Variants in KRT78 observed in about 807,000 individuals in gnomAD.
KRT78 encodes the protein keratin, type II cytoskeletal 78.
A neutral mutation model predicts 51.4 loss-of-function variants in KRT78; 55 were observed. That is an observed-to-expected ratio of 1.07 (90% confidence interval 0.86 to 1.34). The LOEUF (loss-of-function observed/expected upper bound fraction) is 1.34. Among genes scored for constraint, KRT78 ranks in the 40% most tolerant of loss-of-function variants. The pLI is 0.00. For synonymous variants in KRT78, 291 were observed against 264.3 expected, an observed-to-expected ratio of 1.10 and a Z score of -0.98; for missense variants, 652 against 649.4, an observed-to-expected ratio of 1.00 and a Z score of -0.04.
chr12:52,841,656 A>G (rs565330238), intron 6 of KRT78, among the ~76,000 whole-genome samples: 1 of 152,324 alleles, frequency 6.6e-6, no homozygotes, highest in South Asian at 2.1e-4. Flanking sequence ...GTGGATAGAA[A>G]CATAATCTCT....
intron 5 of KRT78, 129 bp from the exon 6 acceptor site, chr12:52,844,347 T>A: frequency 8.2e-7 from 1 of 1,217,184 alleles, no homozygotes; most frequent in Non-Finnish European, 1.1e-6. Flanking sequence ...CAGGACACAG[T>A]GGGATATACT....
At chr12:52,844,015 G>T in intron 6 of KRT78, 78 bp downstream of exon 6, 1 of 1,564,426 alleles carries the variant, frequency 6.4e-7, no homozygotes, top group South Asian at 1.2e-5. Context: ...CCCAACTGGA[G>T]AGAGAAGCTA....
In KRT78 at chr12:52,844,214, T is replaced by C. The variant is rs374618634; in HGVS notation, c.926A>G (p.Gln309Arg). 5.0e-6 allele frequency: 8 copies of C among 1,598,756 alleles called. No homozygotes were observed. Among genetic ancestry groups the C allele is most frequent in the Admixed American group, 1.8e-5 (1 of 54,324 alleles). The stretch of plus-strand genomic sequence containing the variant: ...AAGCTGGGCAGACACCTGAAGTTCC[T>C]GGTACTGAGAGGGGAACAGAGGGGA... ...EAEALYQTKY[Q>R]ELQVSAQLHG... Residue 309 changes from glutamine to arginine, a missense_variant, in exon 6 of 9, where the codon CAG becomes CGG. Gln to Arg is a conservative substitution (Grantham distance 43, BLOSUM62 1). Coordinates refer to ENST00000304620, the MANE Select transcript of KRT78 (RefSeq NM_173352.4).
At chr12:52,840,561 G>T (rs1940470174) in intron 6 of KRT78, among the ~76,000 whole-genome samples, 1 of 152,096 alleles carries the variant, frequency 6.6e-6, no homozygotes, top group African/African-American at 2.4e-5. Flanking sequence ...AAAAAAATTA[G>T]CTGACCATAG....
chr12:52,842,832 TGGAACCTG>T (rs1314002925), intron 6 of KRT78, among the ~76,000 whole-genome samples: 5 of 150,874 alleles, frequency 3.3e-5, no homozygotes, highest in African/African-American at 9.8e-5. Flanking sequence ...GCAGAATTGC[TGGAACCTG>T]GGAGGTGGAG....
At position 52,839,096 on chromosome 12, in the gene KRT78, G is replaced by A. The variant is rs925822171; in HGVS notation, c.*17C>T. 1 of 1,608,178 alleles carries A rather than the reference G, an allele frequency of 6.2e-7. No individual in the cohort carries two copies. The highest frequency in any genetic ancestry group is 1.3e-5 in the African/African-American group (1 of 74,986). On this transcript the variant is annotated 3_prime_UTR_variant, in exon 9 of 9. Coordinates refer to ENST00000304620, the MANE Select transcript of KRT78 (RefSeq NM_173352.4). ...GTGGGCCAAATGTGTTCAGGAAGGAGGTGGCTGCTGGGTCGCTCAGTAGGT... is the reference window on the plus strand; with the variant it reads ...GTGGGCCAAATGTGTTCAGGAAGGAAGTGGCTGCTGGGTCGCTCAGTAGGT...
intron 4 of KRT78, 29 bp from the exon 5 acceptor site, chr12:52,844,752 T>G: frequency 6.3e-7 from 1 of 1,583,440 alleles, no homozygotes. Flanking sequence ...CAGTGTCCAC[T>G]CACCCCCAGC....
chr12:52,845,681 C>T (rs372730792), intron 4 of KRT78, among the ~76,000 whole-genome samples: 82 of 152,254 alleles, frequency 5.4e-4, no homozygotes, highest in African/African-American at 1.8e-3. Context: ...CTTAGTCGGG[C>T]GTGGTGGCTC....
At chr12:52,842,715 C>T (rs1214453773) in intron 6 of KRT78, among the ~76,000 whole-genome samples, 1 of 151,390 alleles carries the variant, frequency 6.6e-6, no homozygotes, top group African/African-American at 2.4e-5. Context: ...GTCAGGAGTT[C>T]GAGACCAGCT....
At chr12:52,841,340 AGCCGGGCATG>A (rs1940494138) in intron 6 of KRT78, among the ~76,000 whole-genome samples, 3 of 151,606 alleles carry the variant, frequency 2.0e-5, no homozygotes, top group Admixed American at 6.6e-5. Flanking sequence ...AAAAAAAATT[AGCCGGGCATG>A]GTGGCACACA....
chr12:52,840,453 A>C (rs1274966480), intron 6 of KRT78, among the ~76,000 whole-genome samples: 1 of 152,138 alleles, frequency 6.6e-6, no homozygotes, highest in Non-Finnish European at 1.5e-5. Context: ...CTGTAATCCT[A>C]GCACTTTAGG....
intron 7 of KRT78, 26 bp from the exon 8 acceptor site, chr12:52,839,513 A>G (rs373901932): frequency 1.9e-6 from 3 of 1,559,422 alleles, no homozygotes; most frequent in African/African-American, 1.4e-5. Context: ...CAAGAGGGGG[A>G]TGCGCTAAGG....
In KRT78 at chr12:52,840,004, G is replaced by A; in HGVS notation, c.1048-20C>T. 6.3e-7 allele frequency: 1 copy of A among 1,585,988 alleles called. No homozygotes were observed. Among genetic ancestry groups the A allele is most frequent in the South Asian group, 1.1e-5 (1 of 90,144 alleles). On this transcript the variant is annotated intron_variant, in intron 6 of 8. Transcript: ENST00000304620. ...GGCGTTCTGGAAGCGGGGTAGAAAT[G>A]AGCGAGAAGGTGGTTGTAAGTCCAA... is the stretch of plus-strand genomic sequence containing the variant.
chr12:52,839,891 C>T lies in KRT78; in HGVS notation c.1141G>A (p.Ala381Thr). ...AGGTTCTGCTTGGCCATCCTCAGAG[C>T]AGCCTCCAGCTCGTCCACCTTGGCC... ...AQAKVDELEAALRMAKQNLAR... is the reference protein window; with the variant it reads ...AQAKVDELEATLRMAKQNLAR... The change falls in exon 7 of 9, where the codon GCT becomes ACT. Residue 381 changes from alanine (A) to threonine (T), a missense_variant. Physicochemically the swap from Ala to Thr is moderately conservative, Grantham distance 58. Transcript: ENST00000304620. 6.2e-7 allele frequency: 1 copy of T among 1,614,116 alleles called. No homozygotes were observed. The highest frequency in any genetic ancestry group is 8.5e-7 in the Non-Finnish European group (1 of 1,180,024).
In KRT78 at chr12:52,844,637, G is replaced by C; in HGVS notation, c.843C>G (p.Ile281Met). ...CGTACCGGGCGCGGACCTCAGTGAT[G>C]ATGCTGCTGAAGTCCAGGTAGCGGT... ...DNNRYLDFSS[I>M]ITEVRARYEE... Residue 281 changes from isoleucine (I) to methionine (M), a missense_variant, in exon 5 of 9, where the codon ATC becomes ATG. By Grantham distance (10) the Ile-to-Met change is conservative (BLOSUM62 1). Coordinates refer to ENST00000304620, the MANE Select transcript of KRT78 (RefSeq NM_173352.4). 6.2e-7 allele frequency: 1 copy of C among 1,614,186 alleles called. No individual in the cohort carries two copies. Among genetic ancestry groups the C allele is most frequent in the Admixed American group, 1.7e-5 (1 of 60,022 alleles).
At chr12:52,844,042 T>C (rs1940579738) in intron 6 of KRT78, 51 bp downstream of exon 6, 5 of 1,599,602 alleles carry the variant, frequency 3.1e-6, no homozygotes, top group Non-Finnish European at 4.3e-6. Flanking sequence ...GGGAAGTGAG[T>C]TGAAGGCACA....
At chr12:52,843,132 C>T (rs1287774612) in intron 6 of KRT78, among the ~76,000 whole-genome samples, 8 of 150,028 alleles carry the variant, frequency 5.3e-5, no homozygotes, top group African/African-American at 1.2e-4. Flanking sequence ...TTTGGGAGGC[C>T]GAGGCGGGCA....
intron 3 of KRT78, 68 bp downstream of exon 3, chr12:52,846,696 G>GCCTAGGACTAGGCT: frequency 7.1e-7 from 1 of 1,400,086 alleles, no homozygotes. Flanking sequence ...TTCCCTCCCA[G>GCCTAGGACTAGGCT]CCTAGGACTA....
intron 6 of KRT78, among the ~76,000 whole-genome samples, chr12:52,843,090 G>T (rs1347776896): frequency 6.6e-6 from 1 of 151,034 alleles, no homozygotes; most frequent in African/African-American, 2.4e-5. Context: ...GATGAAGCTG[G>T]GTGCAGTGGC....
Sources: gnomAD v4.1 joint callset for allele counts (sites outside exome capture counted in the v4.1 genomes callset) on GRCh38, gnomAD v4.1.1 for gene constraint, MANE v1.5 for transcripts, NCBI Gene and HGNC (gene_info 2026-07-23, HGNC 2026-07-21) for gene names.